Variants in NFIC observed in about 807,000 individuals in gnomAD.
The protein encoded by NFIC is nuclear factor 1 C-type.
NFIC carries 12 observed loss-of-function variants against 54.4 expected under a neutral mutation model. The observed-to-expected ratio is 0.22, with a 90% CI of 0.14 to 0.36. The LOEUF (loss-of-function observed/expected upper bound fraction) is 0.36. Among genes scored for constraint, NFIC ranks in the 10% least tolerant of loss-of-function variants. The pLI, the probability that NFIC is intolerant of heterozygous loss-of-function variation, is 1.00. For synonymous variants in NFIC, 322 were observed against 319.2 expected (o/e 1.01, Z -0.09); for missense variants, 575 against 718.2 (o/e 0.80, Z 2.28).
At chr19:3,409,641 T>C (rs1393820283) in intron 2 of NFIC, among the ~76,000 whole-genome samples, 1 of 141,138 alleles carries the variant, frequency 7.1e-6, no homozygotes, top group Non-Finnish European at 1.6e-5. Context: ...GCAAAGGGGG[T>C]GGGTGCTCCC....
At chr19:3,429,390 G>A (rs530820206) in intron 3 of NFIC, among the ~76,000 whole-genome samples, 4 of 151,744 alleles carry the variant, frequency 2.6e-5, no homozygotes, top group African/African-American at 7.3e-5. Context: ...ACCAGCCTGG[G>A]TAACATAGCA....
intron 2 of NFIC, among the ~76,000 whole-genome samples, chr19:3,396,414 G>T (rs951895835): frequency 1.3e-5 from 2 of 151,034 alleles, no homozygotes; most frequent in Non-Finnish European, 2.9e-5. Context: ...GGAGCTTGCA[G>T]TGAGCTGAGA....
intron 6 of NFIC, 44 bp downstream of exon 6, chr19:3,435,251 C>G (rs780854570): frequency 1.3e-6 from 2 of 1,518,578 alleles, no homozygotes; most frequent in South Asian, 2.5e-5. Context: ...CGGTCTGAGT[C>G]ACCGTGGCGG....
chr19:3,365,689 G>C (rs887473289), upstream of NFIC, among the ~76,000 whole-genome samples: 5 of 152,192 alleles, frequency 3.3e-5, no homozygotes, highest in Admixed American at 6.5e-5. Flanking sequence ...GATACCCAGG[G>C]GGAGGCTGCA....
rs1568206852 is a variant in NFIC, at chr19:3,463,911, C to CCCTCCAGCCTCT, written c.*1145_*1156dup. 1 of 970,856 alleles carries CCCTCCAGCCTCT rather than the reference C, an allele frequency of 1.0e-6. No individual in the cohort carries two copies. The allele number at this position is 970,856 out of a possible 1,614,324, so 60.1% of individuals were successfully genotyped here. ...AATGGCCGCGGGCCTCCTCCCCCTC[C>CCCTCCAGCCTCT]CCTCCAGCCTCTCCACCAGCCCCTC... On this transcript the variant is annotated 3_prime_UTR_variant, in exon 11 of 11. Transcript: ENST00000443272.
At position 3,369,778 on chromosome 19, in the gene NFIC, C is replaced by CA. The variant is rs1421255478; in HGVS notation, c.30+3112_30+3113insA. On this transcript the variant is annotated intron_variant, in intron 1 of 10. Coordinates refer to ENST00000443272, the MANE Select transcript of NFIC (RefSeq NM_001245002.2). This position sits in a 1 kb window ranked among gnomAD's most constrained non-coding sequence, Gnocchi z 4.3. ...CTCCCTCCCGCTGGCGCCACCGCCA[C>CA]GTTAGTTATTCCGGGTTTGGGGCCA... 3.3e-5 allele frequency among the ~76,000 whole-genome samples: 5 copies of CA among 152,220 alleles called. No homozygotes were observed. Among genetic ancestry groups the CA allele is most frequent in the African/African-American group, 9.6e-5 (4 of 41,460 alleles).
chr19:3,404,048 T>G, intron 2 of NFIC, among the ~76,000 whole-genome samples: 1 of 125,638 alleles, frequency 8.0e-6, no homozygotes, highest in East Asian at 2.6e-4. Flanking sequence ...CCCCCATCCC[T>G]TCCCGAACCT....
At chr19:3,364,645 A>T (rs1185533571), upstream of NFIC, among the ~76,000 whole-genome samples, 1 of 152,126 alleles carries the variant, frequency 6.6e-6, no homozygotes, top group African/African-American at 2.4e-5. Flanking sequence ...TAGCCATTTT[A>T]CAGATGAGGA....
At chr19:3,415,265 A>G (rs915649208) in intron 2 of NFIC, among the ~76,000 whole-genome samples, 1 of 150,832 alleles carries the variant, frequency 6.6e-6, no homozygotes, top group Non-Finnish European at 1.5e-5. Flanking sequence ...GGTGCATGCC[A>G]GCACACCCAG....
chr19:3,435,319 A>C (rs1009759544), intron 6 of NFIC, 112 bp downstream of exon 6: 1 of 1,382,326 alleles, frequency 7.2e-7, no homozygotes, highest in Non-Finnish European at 9.5e-7. Flanking sequence ...GCCGGCCTGG[A>C]GCCGCGGGGC....
At chr19:3,360,838 C>A (rs944081267) in intron 1 of NFIC, among the ~76,000 whole-genome samples, 2 of 152,056 alleles carry the variant, frequency 1.3e-5, no homozygotes, top group Admixed American at 6.5e-5. Flanking sequence ...GGGTGTGTGG[C>A]GGTTGGGGGG....
intron 2 of NFIC, among the ~76,000 whole-genome samples, chr19:3,387,371 G>A (rs139478304): frequency 2.6e-4 from 40 of 152,218 alleles, no homozygotes; most frequent in East Asian, 1.2e-3. Context: ...GCGTGGTGGC[G>A]GGCGTCTGTA....
intron 2 of NFIC, among the ~76,000 whole-genome samples, chr19:3,402,122 T>C (rs1446860561): frequency 6.6e-6 from 1 of 152,238 alleles, no homozygotes; most frequent in Non-Finnish European, 1.5e-5. Flanking sequence ...CTCAGCTGAC[T>C]GCAACCTCCG....
Position 3,466,188 on chromosome 19 carries a change from CTGT to C in NFIC, c.*3423_*3425del, listed in dbSNP as rs992559624. On this transcript the variant is annotated 3_prime_UTR_variant, in exon 11 of 11. Transcript: ENST00000443272. The surrounding 1 kb of genome is among the most constrained non-coding windows in gnomAD (Gnocchi z 4.8). ...GGCTGTGGTCCGGTGGCTGAGCATG[CTGT>C]TGTCTTGTCCTTGATTTTATTTTCT... The C allele has an allele frequency of 3.9e-5, 6 of 151,932 alleles. No individual in the cohort carries two copies. Among genetic ancestry groups the C allele is most frequent in the African/African-American group, 1.5e-4 (6 of 41,350 alleles). 9.4% of individuals were successfully genotyped at this position (151,932 alleles called of 1,614,324 possible). A position where few individuals can be genotyped will look rare whatever the true frequency, so the allele number is the denominator to read the frequency against.
intron 2 of NFIC, among the ~76,000 whole-genome samples, chr19:3,382,794 C>T (rs1235360326): frequency 6.6e-6 from 1 of 150,824 alleles, no homozygotes; most frequent in Non-Finnish European, 1.5e-5. Context: ...AGGAGAGCGT[C>T]TAATGCAAGT....
chr19:3,432,903 C>A (rs8110370), intron 3 of NFIC, among the ~76,000 whole-genome samples: 1 of 152,062 alleles, frequency 6.6e-6, no homozygotes, highest in African/African-American at 2.4e-5. Flanking sequence ...CATCTCCTGA[C>A]CTGTGATCCT....
rs35952068 is a variant in NFIC at position 3,434,361 on chromosome 19, C to G, written c.794C>G (p.Thr265Ser). ...GCATACGACCTGAACCCAGCCAGCA[C>G]TGGCCTCAGAAGAACGCTGCCCAGC... is the stretch of plus-strand genomic sequence containing the variant. ...HLAYDLNPAS[T>S]GLRRTLPSTS... is the part of the protein sequence containing the mutation. Residue 265 changes from threonine to serine, a missense_variant, in exon 5 of 11, where the codon ACT becomes AGT. Thr to Ser is a moderately conservative substitution (Grantham distance 58). Transcript: ENST00000443272. 1,322 of 1,613,386 alleles carry G rather than the reference C, an allele frequency of 8.2e-4. No individual in the cohort carries two copies. Among genetic ancestry groups the G allele is most frequent in the Non-Finnish European group, 1.1e-3 (1,247 of 1,179,800 alleles).
intron 1 of NFIC, among the ~76,000 whole-genome samples, chr19:3,361,093 T>C (rs2080804746): frequency 6.6e-6 from 1 of 152,110 alleles, no homozygotes; most frequent in Non-Finnish European, 1.5e-5. Context: ...TCCCCTCCAC[T>C]TCCCCCAGCC....
At chr19:3,439,363 A>T (rs920691380) in intron 6 of NFIC, among the ~76,000 whole-genome samples, 2 of 137,888 alleles carry the variant, frequency 1.5e-5, no homozygotes, top group African/African-American at 5.6e-5. Context: ...AAAAAAAAAA[A>T]AAAAAAAAAA....
Sources: gnomAD v4.1 joint callset for allele counts (sites outside exome capture counted in the v4.1 genomes callset) on GRCh38, gnomAD v4.1.1 for gene constraint, Gnocchi (gnomAD v3.1) non-coding constraint, MANE v1.5 for transcripts, NCBI Gene and HGNC (gene_info 2026-07-23, HGNC 2026-07-21) for gene names.